The following PPIP5K2 variants were observed in gnomAD, a reference collection of about 807,000 sequenced individuals.
PPIP5K2 encodes the protein inositol hexakisphosphate and diphosphoinositol-pentakisphosphate kinase 2.
A neutral mutation model predicts 154.6 loss-of-function variants in PPIP5K2; 105 were observed. The ratio of observed to expected loss-of-function variants is 0.68; its 90% confidence interval spans 0.58 to 0.80. The LOEUF is 0.80. Among genes scored for constraint, PPIP5K2 ranks in the 30% least tolerant of loss-of-function variants. PPIP5K2 has a pLI of 0.00. For synonymous variants in PPIP5K2, 480 were observed against 490.3 expected, an observed-to-expected ratio of 0.98 and a Z score of 0.28; for missense variants, 992 against 1,504.6, an observed-to-expected ratio of 0.66 and a Z score of 5.64.
At chr5:103,161,328 A>G (rs533817553) in intron 17 of PPIP5K2, among the ~76,000 whole-genome samples, 208 of 152,280 alleles carry the variant, frequency 1.4e-3, no homozygotes, top group African/African-American at 4.7e-3. Flanking sequence ...CATGGTGTAT[A>G]TGTGCCACAT....
In PPIP5K2 at chr5:103,207,581, T is replaced by C. The variant is rs1256326498; in HGVS notation, c.*5947T>C. The C allele has an allele frequency of 6.6e-6, 1 of 152,028 alleles. No individual in the cohort carries two copies. Among genetic ancestry groups the C allele is most frequent in the African/African-American group, 2.4e-5 (1 of 41,416 alleles). The allele number at this position is 152,028 out of a possible 1,614,324, so 9.4% of individuals were successfully genotyped here. The stretch of plus-strand genomic sequence containing the variant: ...ATTATATTTAATTTTAAAGTCTATA[T>C]ATATATATATATAGATCCTATCTGT... On this transcript the variant is annotated 3_prime_UTR_variant, in exon 31 of 31. Coordinates refer to ENST00000358359, the MANE Select transcript of PPIP5K2 (RefSeq NM_001276277.3).
chr5:103,178,737 TTAAC>T (rs1404131160), intron 23 of PPIP5K2, among the ~76,000 whole-genome samples: 7 of 151,690 alleles, frequency 4.6e-5, no homozygotes, highest in Non-Finnish European at 8.9e-5. Flanking sequence ...CTGAGTTTAT[TTAAC>T]TATACTTTAT....
chr5:103,158,338 T>G, intron 15 of PPIP5K2, 25 bp downstream of exon 15: 1 of 1,598,784 alleles, frequency 6.3e-7, no homozygotes, highest in Non-Finnish European at 8.5e-7. Flanking sequence ...TTTCTTTAAT[T>G]TGACTAATTT....
intron 8 of PPIP5K2, among the ~76,000 whole-genome samples, chr5:103,150,258 G>C (rs1421801344): frequency 2.0e-5 from 3 of 152,138 alleles, no homozygotes; most frequent in African/African-American, 7.2e-5. Context: ...CTGTAAATAA[G>C]TTTTAATAGC....
intron 5 of PPIP5K2, among the ~76,000 whole-genome samples, chr5:103,138,935 G>A (rs1354568870): frequency 2.0e-5 from 3 of 152,278 alleles, no homozygotes; most frequent in African/African-American, 4.8e-5. Context: ...TTGAAAATAC[G>A]GAATTCGTGG....
chr5:103,201,582 C>G lies in PPIP5K2; in HGVS notation c.3680C>G (p.Thr1227Ser). Residue 1227 changes from threonine to serine, a missense_variant, in exon 31 of 31, where the codon ACT becomes AGT. By Grantham distance (58) the Thr-to-Ser change is moderately conservative. This residue lies in a region of PPIP5K2 where 131 missense variants were observed against 117.8 expected (regional missense o/e 1.11). Transcript: ENST00000358359. ...ACCTCATCTCGGAAAAAGAATATAA[C>G]TAGCAAAACAGAAACGCATGAACAC... is the stretch of plus-strand genomic sequence containing the variant. The part of the protein sequence containing the change: ...PNTSSRKKNI[T>S]SKTETHEHKK... 1 of 1,609,930 alleles carries G rather than the reference C, an allele frequency of 6.2e-7. No individual in the cohort carries two copies. The highest frequency in any genetic ancestry group is 8.5e-7 in the Non-Finnish European group (1 of 1,178,476).
intron 28 of PPIP5K2, chr5:103,189,029 T>A: frequency 1.8e-6 from 1 of 569,154 alleles, no homozygotes; most frequent in Non-Finnish European, 3.0e-6. Flanking sequence ...TTACTTTTTA[T>A]TTCCCCTAAC....
intron 17 of PPIP5K2, among the ~76,000 whole-genome samples, chr5:103,164,673 C>A (rs1796864897): frequency 1.3e-5 from 2 of 152,128 alleles, no homozygotes; most frequent in African/African-American, 2.4e-5. Flanking sequence ...TTCCTTAAAG[C>A]ATACATATAG....
chr5:103,122,857 G>T (rs1432862414), intron 1 of PPIP5K2, among the ~76,000 whole-genome samples: 1 of 152,164 alleles, frequency 6.6e-6, no homozygotes, highest in East Asian at 1.9e-4. Context: ...CTGAATACTA[G>T]GTGGGACTGA....
chr5:103,137,083 T>C (rs1554204561), intron 4 of PPIP5K2, among the ~76,000 whole-genome samples: 1 of 152,116 alleles, frequency 6.6e-6, no homozygotes, highest in East Asian at 1.9e-4. Flanking sequence ...TTCCAGAGCC[T>C]ACTAAACCAT....
Position 103,147,293 on chromosome 5 carries a change from TA to T in PPIP5K2, c.642+614del, listed in dbSNP as rs797027166. 2.6e-5 allele frequency among the ~76,000 whole-genome samples: 4 copies of T among 152,074 alleles called. 1 individual carries two copies. Among genetic ancestry groups the T allele is most frequent in the African/African-American group, 9.6e-5 (4 of 41,572 alleles). On this transcript the variant is annotated intron_variant, in intron 6 of 30. Coordinates refer to ENST00000358359, the MANE Select transcript of PPIP5K2 (RefSeq NM_001276277.3). ...TTAAGAACACAGTGAGATACCATTT[TA>T]ACATCCATTAAAGTAGCAGATATTA...
chr5:103,210,734 A>G lies in PPIP5K2; in HGVS notation c.*9100A>G, dbSNP rs1191416378. The G allele has an allele frequency of 6.6e-6, 1 of 152,122 alleles. No individual in the cohort carries two copies. The highest frequency in any genetic ancestry group is 6.6e-5 in the Admixed American group (1 of 15,254). The allele number at this position is 152,122 out of a possible 1,614,324, so 9.4% of individuals were successfully genotyped here. A position where few individuals can be genotyped will look rare whatever the true frequency, so the allele number is the denominator to read the frequency against. The stretch of plus-strand genomic sequence containing the variant: ...CCCTGGATGCTCTTTTGAGGAATTT[A>G]CTTGGTTAATACAGTTAATAGTATA... On this transcript the variant is annotated 3_prime_UTR_variant, in exon 31 of 31. Transcript: ENST00000358359.
intron 3 of PPIP5K2, chr5:103,136,035 G>T (rs558875561): frequency 2.1e-5 from 3 of 139,856 alleles, no homozygotes; most frequent in Non-Finnish European, 4.5e-5. Flanking sequence ...ACAATGGCAC[G>T]ATCTCCACTC....
At chr5:103,192,524 G>A (rs547638140) in intron 29 of PPIP5K2, among the ~76,000 whole-genome samples, 4 of 152,138 alleles carry the variant, frequency 2.6e-5, no homozygotes, top group East Asian at 1.9e-4. Context: ...TAAGAGTTTA[G>A]GGGTAGATCT....
chr5:103,153,982 T>C (rs1795026317), intron 11 of PPIP5K2, 48 bp downstream of exon 11: 1 of 1,380,354 alleles, frequency 7.2e-7, no homozygotes. Context: ...AATTTTAAGA[T>C]TTCTGATAAG....
intron 23 of PPIP5K2, 77 bp from the exon 24 acceptor site, chr5:103,179,944 G>A (rs1799256058): frequency 5.7e-6 from 7 of 1,232,500 alleles, no homozygotes; most frequent in Non-Finnish European, 7.7e-6. Flanking sequence ...ACCTCTACCA[G>A]TGGTAGTTGA....
At chr5:103,126,294 T>C (rs1199018290) in intron 1 of PPIP5K2, among the ~76,000 whole-genome samples, 1 of 152,208 alleles carries the variant, frequency 6.6e-6, no homozygotes, top group Non-Finnish European at 1.5e-5. Context: ...ATCTATATAC[T>C]TCATACAGCA....
chr5:103,191,296 G>T (rs188229719), intron 29 of PPIP5K2, among the ~76,000 whole-genome samples: 2 of 151,876 alleles, frequency 1.3e-5, no homozygotes. Context: ...TATTCCTATT[G>T]TATATCATTT....
intron 17 of PPIP5K2, among the ~76,000 whole-genome samples, chr5:103,163,086 G>A (rs957726480): frequency 1.7e-5 from 1 of 59,872 alleles, no homozygotes; most frequent in Non-Finnish European, 3.3e-5. Context: ...TTCTTCAAGT[G>A]TTTTTTTTTT....
Sources: gnomAD v4.1 joint callset for allele counts (sites outside exome capture counted in the v4.1 genomes callset) on GRCh38, gnomAD v4.1.1 for gene constraint, gnomAD v4.1.1 regional missense constraint, MANE v1.5 for transcripts, NCBI Gene and HGNC (gene_info 2026-07-23, HGNC 2026-07-21) for gene names.